The following CCDC6 variants were observed in gnomAD, a reference collection of about 807,000 sequenced individuals.
CCDC6 encodes the protein coiled-coil domain containing 6.
In CCDC6, 20 loss-of-function variants were observed where a neutral mutation model predicts 56.6. The observed-to-expected ratio is 0.35, with a 90% CI of 0.25 to 0.51. The LOEUF (loss-of-function observed/expected upper bound fraction) is 0.51. Among genes scored for constraint, CCDC6 ranks in the 20% least tolerant of loss-of-function variants. The pLI, the probability that CCDC6 is intolerant of heterozygous loss-of-function variation, is 0.95. For synonymous variants in CCDC6, 241 were observed against 234.4 expected, an observed-to-expected ratio of 1.03 and a Z score of -0.26; for missense variants, 367 against 601.1, an observed-to-expected ratio of 0.61 and a Z score of 4.07.
intron 7 of CCDC6, among the ~76,000 whole-genome samples, chr10:59,799,708 AG>A (rs2070556587): frequency 6.6e-6 from 1 of 152,198 alleles, no homozygotes; most frequent in African/African-American, 2.4e-5. Flanking sequence ...TCCTGCTCCC[AG>A]TGCCAATCAG....
At chr10:59,842,561 GGTGCATT>G (rs2070948939) in intron 2 of CCDC6, among the ~76,000 whole-genome samples, 1 of 151,972 alleles carries the variant, frequency 6.6e-6, no homozygotes, top group African/African-American at 2.4e-5. Context: ...GCATGGTCAT[GGTGCATT>G]GTCCTTTTAA....
intron 1 of CCDC6, among the ~76,000 whole-genome samples, chr10:59,890,324 C>T (rs1249954942): frequency 1.3e-5 from 2 of 152,196 alleles, no homozygotes; most frequent in Non-Finnish European, 2.9e-5. Flanking sequence ...TGAAAGCAAA[C>T]TGAGAGCCGC....
intron 3 of CCDC6, among the ~76,000 whole-genome samples, chr10:59,815,660 C>A (rs1258869130): frequency 6.6e-6 from 1 of 152,162 alleles, no homozygotes; most frequent in African/African-American, 2.4e-5. Flanking sequence ...TTCTATCATT[C>A]TCCGTACTTG....
chr10:59,858,953 CT>C (rs1204272319), intron 1 of CCDC6, among the ~76,000 whole-genome samples: 1 of 152,126 alleles, frequency 6.6e-6, no homozygotes, highest in Non-Finnish European at 1.5e-5. Context: ...CTTTGTCCAG[CT>C]ATATGACCCT....
At chr10:59,822,611 C>A (rs1259234924) in intron 3 of CCDC6, among the ~76,000 whole-genome samples, 1 of 152,142 alleles carries the variant, frequency 6.6e-6, no homozygotes, top group Non-Finnish European at 1.5e-5. Context: ...AAATAAGCAT[C>A]TTGCTGGGTG....
At chr10:59,844,746 CAAAAAAAA>C (rs56232975) in intron 2 of CCDC6, among the ~76,000 whole-genome samples, 1 of 124,534 alleles carries the variant, frequency 8.0e-6, no homozygotes, top group Non-Finnish European at 1.7e-5. Flanking sequence ...AGACTATCTC[CAAAAAAAA>C]AAAAAAAAAG....
At chr10:59,834,211 G>A (rs541991530) in intron 2 of CCDC6, among the ~76,000 whole-genome samples, 11 of 152,068 alleles carry the variant, frequency 7.2e-5, no homozygotes, top group African/African-American at 2.7e-4. Context: ...CCACTGCCCT[G>A]AAAACACATA....
At chr10:59,835,597 TCA>T (rs758692613) in intron 2 of CCDC6, among the ~76,000 whole-genome samples, 62 of 152,196 alleles carry the variant, frequency 4.1e-4, no homozygotes, top group Non-Finnish European at 7.5e-4. Context: ...TGCTAAAGAT[TCA>T]CAGTTTTTAT....
At chr10:59,795,186 G>A (rs998424460) in intron 7 of CCDC6, among the ~76,000 whole-genome samples, 4 of 152,066 alleles carry the variant, frequency 2.6e-5, no homozygotes, top group Non-Finnish European at 5.9e-5. Flanking sequence ...CCTATAGAAT[G>A]GGAGGAGATA....
intron 1 of CCDC6, among the ~76,000 whole-genome samples, chr10:59,900,139 G>T (rs1457638224): frequency 2.0e-5 from 3 of 152,008 alleles, no homozygotes; most frequent in African/African-American, 7.3e-5. Flanking sequence ...GGCAAATTCT[G>T]CCCCCAAAGA....
Position 59,856,677 on chromosome 10 carries a change from G to A in CCDC6, c.304-3975C>T, listed in dbSNP as rs776078224. Among the ~76,000 whole-genome samples, 18 of 152,238 alleles carry A rather than the reference G, an allele frequency of 1.2e-4. No individual in the cohort carries two copies. The South Asian group carries it at 3.7e-3, about 32-fold the overall frequency. On this transcript the variant is annotated intron_variant, in intron 1 of 8. Transcript: ENST00000263102. ...CAGGTACCATTCACAAGGCATGAAG[G>A]TGCACAGAGGGAAGAAAAAACAGGC...
chr10:59,901,909 A>G (rs1358985643), intron 1 of CCDC6, among the ~76,000 whole-genome samples: 2 of 150,786 alleles, frequency 1.3e-5, no homozygotes, highest in African/African-American at 4.9e-5. Flanking sequence ...AAGCTACTCA[A>G]AAAGGTGACT....
intron 5 of CCDC6, among the ~76,000 whole-genome samples, chr10:59,810,347 C>G (rs2070662786): frequency 1.3e-5 from 2 of 152,186 alleles, no homozygotes; most frequent in Non-Finnish European, 2.9e-5. Context: ...CTCACAAAAT[C>G]AGAAATAGCA....
intron 1 of CCDC6, among the ~76,000 whole-genome samples, chr10:59,854,586 A>T (rs530560101): frequency 6.6e-6 from 1 of 152,152 alleles, no homozygotes; most frequent in Non-Finnish European, 1.5e-5. Context: ...GTTCCCTTAC[A>T]TACCTCCTAT....
chr10:59,799,440 CCTT>C lies in CCDC6; in HGVS notation c.1106-4846_1106-4844del, dbSNP rs2070554221. ...GACTCTATCTCGAAAAAAGAAATCT[CCTT>C]CTCTAGCTGTTACCAAGACTTCTGC... On this transcript the variant is annotated intron_variant, in intron 7 of 8. Transcript: ENST00000263102. Among the ~76,000 whole-genome samples the C allele has an allele frequency of 2.0e-5, 3 of 152,002 alleles. No individual in the cohort carries two copies. The South Asian group carries it at 6.2e-4, about 32-fold the overall frequency.
At chr10:59,808,393 C>G (rs746020737) in intron 5 of CCDC6, among the ~76,000 whole-genome samples, 9 of 152,178 alleles carry the variant, frequency 5.9e-5, no homozygotes, top group Non-Finnish European at 1.2e-4. Context: ...AAGAAAAACA[C>G]GTCTTCCTTC....
intron 1 of CCDC6, among the ~76,000 whole-genome samples, chr10:59,865,492 CAA>C (rs1250753711): frequency 6.6e-6 from 1 of 152,072 alleles, no homozygotes; most frequent in African/African-American, 2.4e-5. Context: ...AAAATCCAAA[CAA>C]AGAATAAAAC....
intron 2 of CCDC6, among the ~76,000 whole-genome samples, chr10:59,838,606 G>T (rs150421350): frequency 6.6e-5 from 10 of 152,192 alleles, no homozygotes; most frequent in African/African-American, 2.4e-4. Flanking sequence ...ATGGATGGGT[G>T]TAAGCCAGGG....
At chr10:59,819,434 T>C (rs1308137945) in intron 3 of CCDC6, among the ~76,000 whole-genome samples, 1 of 152,200 alleles carries the variant, frequency 6.6e-6, no homozygotes, top group Non-Finnish European at 1.5e-5. Context: ...GAAATCATAT[T>C]GAGTCCCTTG....
Sources: gnomAD v4.1 joint callset for allele counts (sites outside exome capture counted in the v4.1 genomes callset) on GRCh38, gnomAD v4.1.1 for gene constraint, MANE v1.5 for transcripts, NCBI Gene and HGNC (gene_info 2026-07-23, HGNC 2026-07-21) for gene names.